Variants in EPHB2 observed in about 807,000 individuals in gnomAD.
The protein encoded by EPHB2 is EPH receptor B2.
A neutral mutation model predicts 96.4 loss-of-function variants in EPHB2; 18 were observed. The observed-to-expected ratio is 0.19, with a 90% CI of 0.13 to 0.28. The LOEUF (loss-of-function observed/expected upper bound fraction) is 0.28, where lower values mean the gene tolerates loss of function less well. Ranked by LOEUF, EPHB2 falls within the 10% of genes least tolerant of loss-of-function variation. The pLI is 1.00. For synonymous variants in EPHB2, 506 were observed against 534.1 expected (o/e 0.95, Z 0.72); for missense variants, 989 against 1,355.4 (o/e 0.73, Z 4.25).
chr1:22,760,281 G>T (rs1303187725), intron 1 of EPHB2, among the ~76,000 whole-genome samples: 1 of 152,098 alleles, frequency 6.6e-6, no homozygotes, highest in African/African-American at 2.4e-5. Flanking sequence ...CCCCAAAAAT[G>T]ACCTTGTAGC....
At chr1:22,718,625 C>T (rs1478931889) in intron 1 of EPHB2, among the ~76,000 whole-genome samples, 3 of 152,024 alleles carry the variant, frequency 2.0e-5, no homozygotes, top group South Asian at 4.2e-4. Context: ...TGACCTCAGG[C>T]GATCCACCTG....
chr1:22,772,247 T>A (rs1270121991), intron 1 of EPHB2, among the ~76,000 whole-genome samples: 1 of 152,140 alleles, frequency 6.6e-6, no homozygotes, highest in Non-Finnish European at 1.5e-5. Context: ...CGGCCAGTGC[T>A]GGCGGATGCC....
At chr1:22,885,335 A>G (rs1299582463) in intron 6 of EPHB2, among the ~76,000 whole-genome samples, 1 of 152,244 alleles carries the variant, frequency 6.6e-6, no homozygotes, top group Non-Finnish European at 1.5e-5. Flanking sequence ...CCTGCGACCC[A>G]TTTCCTACCA....
intron 3 of EPHB2, among the ~76,000 whole-genome samples, chr1:22,803,587 T>C (rs1390762585): frequency 1.3e-5 from 2 of 148,742 alleles, no homozygotes; most frequent in Admixed American, 6.7e-5. Context: ...ACCTGGGCAA[T>C]AGAGTGAGAC....
At position 22,790,188 on chromosome 1, in the gene EPHB2, G is replaced by A. The variant is rs1481645107; in HGVS notation, c.811+5112G>A. Among the ~76,000 whole-genome samples, 3 of 152,168 alleles carry A rather than the reference G, an allele frequency of 2.0e-5. No homozygotes were observed. The highest frequency in any genetic ancestry group is 4.4e-5 in the Non-Finnish European group (3 of 68,020). ...GAATTGTAGGCAGAGAGAACTATACGAATAAAGGCCCCAAGGTGTGACAGT... is the reference window on the plus strand; with the variant it reads ...GAATTGTAGGCAGAGAGAACTATACAAATAAAGGCCCCAAGGTGTGACAGT... On this transcript the variant is annotated intron_variant, in intron 3 of 15. Coordinates refer to ENST00000374630, the MANE Select transcript of EPHB2 (RefSeq NM_017449.5). This position sits in a 1 kb window ranked among gnomAD's most constrained non-coding sequence, Gnocchi z 4.0.
At chr1:22,814,150 A>G (rs1645040339) in intron 3 of EPHB2, among the ~76,000 whole-genome samples, 2 of 152,190 alleles carry the variant, frequency 1.3e-5, no homozygotes, top group Non-Finnish European at 1.5e-5. Flanking sequence ...AGCCTGGGCA[A>G]CGAGAGCGAA....
chr1:22,746,216 G>A (rs1168221425), intron 1 of EPHB2, among the ~76,000 whole-genome samples: 2 of 152,202 alleles, frequency 1.3e-5, no homozygotes, highest in East Asian at 1.9e-4. Flanking sequence ...ACAGACATGG[G>A]GCAACTGCAT....
At chr1:22,822,273 A>G (rs1570340826) in intron 3 of EPHB2, among the ~76,000 whole-genome samples, 1 of 152,160 alleles carries the variant, frequency 6.6e-6, no homozygotes, top group East Asian at 1.9e-4. Flanking sequence ...ACTTGAGGCC[A>G]GGAGTTTGAG....
intron 3 of EPHB2, among the ~76,000 whole-genome samples, chr1:22,818,143 C>T (rs577704758): frequency 8.5e-5 from 13 of 152,234 alleles, no homozygotes; most frequent in East Asian, 1.9e-4. Flanking sequence ...CTTTCACCCT[C>T]TGCCAGACCA....
chr1:22,801,122 G>A (rs562263556), intron 3 of EPHB2, among the ~76,000 whole-genome samples: 28 of 152,332 alleles, frequency 1.8e-4, no homozygotes, highest in Non-Finnish European at 3.5e-4. Flanking sequence ...GCCATTTCCC[G>A]TCATTTCCTG....
chr1:22,858,769 G>C lies in EPHB2; in HGVS notation c.812-4268G>C, dbSNP rs1225555170. On this transcript the variant is annotated intron_variant, in intron 3 of 15. Coordinates refer to ENST00000374630, the MANE Select transcript of EPHB2 (RefSeq NM_017449.5). This position sits in a 1 kb window ranked among gnomAD's most constrained non-coding sequence, Gnocchi z 7.7. ...CAGTCACACAGTAGACTTGGGATCA[G>C]AATTGGCCTCTGCTACTGAAGAGCT... 1.3e-5 allele frequency among the ~76,000 whole-genome samples: 2 copies of C among 152,158 alleles called. No individual in the cohort carries two copies. Among genetic ancestry groups the C allele is most frequent in the African/African-American group, 4.8e-5 (2 of 41,426 alleles).
rs966206825 is a variant in EPHB2 at position 22,921,319 on chromosome 1, T to C, written c.*7749T>C. 3.9e-5 allele frequency: 6 copies of C among 152,158 alleles called. No individual in the cohort carries two copies. Among genetic ancestry groups the C allele is most frequent in the African/African-American group, 1.4e-4 (6 of 41,442 alleles). The allele number at this position is 152,158 out of a possible 1,614,324, so 9.4% of individuals were successfully genotyped here. A position where few individuals can be genotyped will look rare whatever the true frequency, so the allele number is the denominator to read the frequency against. On this transcript the variant is annotated 3_prime_UTR_variant, in exon 16 of 16. Coordinates refer to ENST00000374630, the MANE Select transcript of EPHB2 (RefSeq NM_017449.5). ...ACAATGTTGGGAGGTCAGGGACTGA[T>C]ACAGCTGGGGTTCCAACCGCCGTGG...
At chr1:22,809,384 T>C (rs1644972582) in intron 3 of EPHB2, among the ~76,000 whole-genome samples, 1 of 152,180 alleles carries the variant, frequency 6.6e-6, no homozygotes, top group Non-Finnish European at 1.5e-5. Context: ...ACAGAAACCT[T>C]CCTAAGATGT....
chr1:22,846,678 T>C lies in EPHB2; in HGVS notation c.812-16359T>C, dbSNP rs1379976708. Reference sequence around the variant, plus strand: ...GAGCAGCAGGTCCTCAGCCTTGCCATGCAGTTTCCCATCTCCACCCCTCCG... The same window carrying C: ...GAGCAGCAGGTCCTCAGCCTTGCCACGCAGTTTCCCATCTCCACCCCTCCG... On this transcript the variant is annotated intron_variant, in intron 3 of 15. Transcript: ENST00000374630. The surrounding 1 kb of genome is among the most constrained non-coding windows in gnomAD (Gnocchi z 4.3). Among the ~76,000 whole-genome samples, 1 of 152,170 alleles carries C rather than the reference T, an allele frequency of 6.6e-6. No homozygotes were observed. Among genetic ancestry groups the C allele is most frequent in the Non-Finnish European group, 1.5e-5 (1 of 68,028 alleles).
At chr1:22,732,056 C>T (rs1175842174) in intron 1 of EPHB2, among the ~76,000 whole-genome samples, 2 of 152,220 alleles carry the variant, frequency 1.3e-5, no homozygotes, top group African/African-American at 4.8e-5. Context: ...GGAGATTCAG[C>T]TCTGGGCCAT....
At chr1:22,838,263 T>G (rs16827646) in intron 3 of EPHB2, among the ~76,000 whole-genome samples, 32,635 of 152,130 alleles carry the variant, frequency 0.21, 3,673 homozygotes, top group East Asian at 0.43. Flanking sequence ...AATGTAAAAA[T>G]GCTTTGTAGA....
chr1:22,727,434 A>T (rs1643604850), intron 1 of EPHB2, among the ~76,000 whole-genome samples: 1 of 152,138 alleles, frequency 6.6e-6, no homozygotes, highest in Admixed American at 6.5e-5. Flanking sequence ...ATCCTGTCCC[A>T]CCCTGCCCAC....
At chr1:22,878,347 AGTCTTACAGCTTCCC>A (rs1638912826) in intron 5 of EPHB2, among the ~76,000 whole-genome samples, 1 of 152,222 alleles carries the variant, frequency 6.6e-6, no homozygotes, top group Non-Finnish European at 1.5e-5. Flanking sequence ...GCCACTTCTG[AGTCTTACAGCTTCCC>A]CAGTGCCTAG....
At chr1:22,731,566 G>A (rs534698218) in intron 1 of EPHB2, among the ~76,000 whole-genome samples, 8 of 152,268 alleles carry the variant, frequency 5.3e-5, no homozygotes, top group Non-Finnish European at 1.0e-4. Flanking sequence ...TCGGCTAGGC[G>A]CGGTGGCTCA....
Sources: allele counts gnomAD v4.1 joint callset (sites outside exome capture counted in the v4.1 genomes callset), GRCh38; gene constraint gnomAD v4.1.1; non-coding constraint Gnocchi (gnomAD v3.1); transcripts MANE v1.5; gene names NCBI Gene and HGNC (gene_info 2026-07-23, HGNC 2026-07-21).